Variants in CSMD1 observed in about 807,000 individuals in gnomAD.
CSMD1 encodes the protein CUB and sushi domain-containing protein 1.
Under a neutral mutation model 417.5 loss-of-function variants are expected in CSMD1, and 213 were observed. That is an observed-to-expected ratio of 0.51 (90% CI 0.46 to 0.57). CSMD1 has a LOEUF of 0.57. Ranked by LOEUF, CSMD1 falls within the 20% of genes least tolerant of loss-of-function variation. The pLI is 0.00. For missense variants in CSMD1, 6,923 were observed against 4,529.7 expected, an observed-to-expected ratio of 1.53 and a Z score of -15.17; for synonymous variants, 2,862 against 1,736.8, an observed-to-expected ratio of 1.65 and a Z score of -16.11.
At chr8:4,750,530 T>C (rs754091555) in intron 1 of CSMD1, among the ~76,000 whole-genome samples, 57 of 152,284 alleles carry the variant, frequency 3.7e-4, no homozygotes, top group Non-Finnish European at 7.6e-4. Context: ...GATTTTCCTA[T>C]ATTTTGAAAA....
chr8:4,286,157 C>G (rs1020786841), intron 3 of CSMD1, among the ~76,000 whole-genome samples: 4 of 151,928 alleles, frequency 2.6e-5, no homozygotes, highest in African/African-American at 7.3e-5. Flanking sequence ...TTTCTGGTAC[C>G]ATAAACAAAA....
chr8:3,238,018 C>G (rs1452987389), intron 26 of CSMD1, among the ~76,000 whole-genome samples: 1 of 151,578 alleles, frequency 6.6e-6, no homozygotes, highest in Non-Finnish European at 1.5e-5. Context: ...GAAGAGACCA[C>G]CAAACAGGCT....
At chr8:3,783,925 G>A (rs980597432) in intron 5 of CSMD1, among the ~76,000 whole-genome samples, 1 of 150,622 alleles carries the variant, frequency 6.6e-6, no homozygotes, top group African/African-American at 2.4e-5. Flanking sequence ...GCTGCAGTTT[G>A]AATACCCCAG....
intron 42 of CSMD1, among the ~76,000 whole-genome samples, chr8:3,111,417 G>C (rs945409688): frequency 1.3e-5 from 2 of 152,160 alleles, no homozygotes; most frequent in South Asian, 2.1e-4. Flanking sequence ...ACTAAGTGAG[G>C]TTTGGAGTCA....
intron 2 of CSMD1, among the ~76,000 whole-genome samples, chr8:4,636,813 G>A (rs1047847830): frequency 1.3e-5 from 2 of 152,120 alleles, no homozygotes; most frequent in Admixed American, 1.3e-4. Context: ...GAGGGGTGAA[G>A]CCAGCTGGAC....
intron 7 of CSMD1, among the ~76,000 whole-genome samples, chr8:3,661,205 G>A (rs1218920318): frequency 6.6e-6 from 1 of 152,152 alleles, no homozygotes; most frequent in Admixed American, 6.5e-5. Context: ...ACAAGATTGA[G>A]AACCTAATTT....
chr8:4,691,459 A>T (rs893522952), intron 1 of CSMD1, among the ~76,000 whole-genome samples: 1 of 152,152 alleles, frequency 6.6e-6, no homozygotes, highest in Non-Finnish European at 1.5e-5. Flanking sequence ...TGACAATTTT[A>T]TCATTGATGG....
chr8:4,685,075 C>G (rs1806286781), intron 1 of CSMD1, among the ~76,000 whole-genome samples: 1 of 152,140 alleles, frequency 6.6e-6, no homozygotes, highest in African/African-American at 2.4e-5. Flanking sequence ...AGTTATCGAG[C>G]AACTCCAACA....
chr8:4,975,019 C>T (rs2117399622), intron 1 of CSMD1, among the ~76,000 whole-genome samples: 1 of 152,120 alleles, frequency 6.6e-6, no homozygotes, highest in South Asian at 2.1e-4. Context: ...TTCTAGAGCT[C>T]TACTAGAAGG....
intron 3 of CSMD1, among the ~76,000 whole-genome samples, chr8:4,388,585 C>G (rs1480276411): frequency 6.6e-6 from 1 of 151,876 alleles, no homozygotes; most frequent in Non-Finnish European, 1.5e-5. Context: ...TAAAAGACTG[C>G]AAATAGGGTA....
intron 1 of CSMD1, among the ~76,000 whole-genome samples, chr8:4,912,533 C>G (rs557214781): frequency 1.3e-5 from 2 of 152,148 alleles, no homozygotes; most frequent in African/African-American, 4.8e-5. Flanking sequence ...ATAAGCTCGT[C>G]TCAATCCCAC....
chr8:3,283,843 C>T (rs935270386), intron 26 of CSMD1, among the ~76,000 whole-genome samples: 3 of 152,228 alleles, frequency 2.0e-5, no homozygotes, highest in East Asian at 1.9e-4. Context: ...TTAAAACACA[C>T]AATTTTCTCT....
chr8:3,608,317 G>C (rs986896344), intron 8 of CSMD1, among the ~76,000 whole-genome samples: 2 of 152,134 alleles, frequency 1.3e-5, no homozygotes, highest in Non-Finnish European at 2.9e-5. Context: ...TTTATGGATA[G>C]ACATGAAGGG....
intron 1 of CSMD1, among the ~76,000 whole-genome samples, chr8:4,947,483 G>C (rs575271365): frequency 6.6e-6 from 1 of 152,080 alleles, no homozygotes. Flanking sequence ...CATCAACAAT[G>C]AGAAAATGAG....
At chr8:4,182,693 T>A (rs754070333) in intron 3 of CSMD1, among the ~76,000 whole-genome samples, 2 of 152,142 alleles carry the variant, frequency 1.3e-5, no homozygotes, top group African/African-American at 2.4e-5. Flanking sequence ...CCGATTAATT[T>A]GAAGCTTTAA....
At chr8:4,350,505 G>A (rs1801028947) in intron 3 of CSMD1, among the ~76,000 whole-genome samples, 1 of 152,170 alleles carries the variant, frequency 6.6e-6, no homozygotes, top group African/African-American at 2.4e-5. Context: ...GATCACCGCA[G>A]CAGTGAGCTC....
intron 5 of CSMD1, among the ~76,000 whole-genome samples, chr8:3,984,989 G>A (rs921228825): frequency 1.3e-5 from 2 of 151,950 alleles, no homozygotes; most frequent in Non-Finnish European, 2.9e-5. Context: ...GGATTATTCC[G>A]ATACTGGGAA....
At chr8:3,037,355 G>A (rs370203588) in intron 50 of CSMD1, among the ~76,000 whole-genome samples, 21 of 136,912 alleles carry the variant, frequency 1.5e-4, no homozygotes, top group South Asian at 4.4e-4. Context: ...ACAGGCGCCC[G>A]CCACCAAGCC....
chr8:3,301,770 C>T lies in CSMD1; in HGVS notation c.3950+5925G>A, dbSNP rs554396028. On this transcript the variant is annotated intron_variant, in intron 25 of 69. Transcript: ENST00000635120. ...TAAGGAGCTGGTGCTTGTCAACGTA[C>T]AGTGAGGGTATTTGAGAGATTGGAG... is the stretch of plus-strand genomic sequence containing the variant. Among the ~76,000 whole-genome samples the T allele has an allele frequency of 2.3e-4, 35 of 152,092 alleles. 2 individuals are homozygous for T. The South Asian group carries it at 7.3e-3, about 32-fold the overall frequency.
Sources: allele counts gnomAD v4.1 joint callset (sites outside exome capture counted in the v4.1 genomes callset), GRCh38; gene constraint gnomAD v4.1.1; transcripts MANE v1.5; gene names NCBI Gene and HGNC (gene_info 2026-07-23, HGNC 2026-07-21).